DYNC2LI1: variants seen among roughly 807,000 people sequenced by gnomAD.
DYNC2LI1 encodes the protein cytoplasmic dynein 2 light intermediate chain 1.
Under a neutral mutation model 51.9 loss-of-function variants are expected in DYNC2LI1, and 45 were observed. That is an observed-to-expected ratio of 0.87 (90% CI 0.68 to 1.11). The LOEUF (loss-of-function observed/expected upper bound fraction) is 1.11, where lower values mean the gene tolerates loss of function less well. Among genes scored for constraint, DYNC2LI1 ranks in the 50% most tolerant of loss-of-function variants. The pLI is 0.00. For synonymous variants in DYNC2LI1, 130 were observed against 137.8 expected, an observed-to-expected ratio of 0.94 and a Z score of 0.40; for missense variants, 490 against 417.4, an observed-to-expected ratio of 1.17 and a Z score of -1.51.
chr2:43,820,341 C>G, the DYNC2LI1 span, among the ~76,000 whole-genome samples: 4 of 152,198 alleles, frequency 2.6e-5, no homozygotes, highest in Non-Finnish European at 5.9e-5. Flanking sequence ...ACGGCTCCTT[C>G]AGCTCTCATA....
At chr2:43,785,810 G>C (rs1673500340) in intron 3 of DYNC2LI1, among the ~76,000 whole-genome samples, 1 of 151,940 alleles carries the variant, frequency 6.6e-6, no homozygotes. Flanking sequence ...TAGTTACCAA[G>C]GACTAGGGGG....
At chr2:43,825,896 A>G in the DYNC2LI1 span, among the ~76,000 whole-genome samples, 1 of 152,214 alleles carries the variant, frequency 6.6e-6, no homozygotes, top group East Asian at 1.9e-4. Flanking sequence ...GGAACATGGT[A>G]GGTGCTGAAA....
chr2:43,805,942 C>T, intron 12 of DYNC2LI1, among the ~76,000 whole-genome samples: 1 of 151,370 alleles, frequency 6.6e-6, no homozygotes, highest in East Asian at 1.9e-4. Context: ...AGTGCAGTGG[C>T]ATGACCTCGG....
intron 6 of DYNC2LI1, chr2:43,795,014 G>T (rs578122629): frequency 2.2e-5 from 25 of 1,134,728 alleles, no homozygotes; most frequent in Non-Finnish European, 2.7e-5. Context: ...TTAAGCAAGG[G>T]GTAGAGTTGT....
rs1046625393 is a variant in DYNC2LI1 at position 43,809,606 on chromosome 2, A to G, written c.994-99A>G. On this transcript the variant is annotated intron_variant, in intron 12 of 12. Coordinates refer to ENST00000260605, the MANE Select transcript of DYNC2LI1 (RefSeq NM_016008.4). ...ATTTAGAATGATAATGCTACTAAGG[A>G]TTCATTGATATATCTAAAAAATGAG... is the stretch of plus-strand genomic sequence containing the variant. The G allele has an allele frequency of 9.3e-6, 7 of 753,560 alleles. No homozygotes were observed. In the African/African-American group the frequency reaches 1.1e-4, roughly 12 times the overall value. 46.7% of individuals were successfully genotyped at this position (753,560 alleles called of 1,614,324 possible). A position where few individuals can be genotyped will look rare whatever the true frequency, so the allele number is the denominator to read the frequency against.
chr2:43,793,967 C>G (rs1673913392), intron 5 of DYNC2LI1: 2 of 153,322 alleles, frequency 1.3e-5, no homozygotes, highest in African/African-American at 4.8e-5. Context: ...CCTCAGACTT[C>G]TAATCTATAA....
chr2:43,789,513 C>A, intron 4 of DYNC2LI1, 120 bp from the exon 5 acceptor site: 1 of 767,656 alleles, frequency 1.3e-6, no homozygotes. Flanking sequence ...AAAATTTTGA[C>A]TGCCAAGAAA....
the DYNC2LI1 span, chr2:43,828,313 G>A: frequency 8.5e-6 from 6 of 708,478 alleles, no homozygotes; most frequent in Non-Finnish European, 1.4e-5. Context: ...ACATGTGTCA[G>A]ATTTAAATAA....
At chr2:43,798,564 A>T (rs1376182610) in intron 8 of DYNC2LI1, among the ~76,000 whole-genome samples, 2 of 152,220 alleles carry the variant, frequency 1.3e-5, no homozygotes, top group African/African-American at 4.8e-5. Context: ...GGAACAGATT[A>T]CATTTGATGG....
the DYNC2LI1 span, among the ~76,000 whole-genome samples, chr2:43,818,539 C>T: frequency 4.3e-4 from 66 of 152,304 alleles, 1 homozygote; most frequent in African/African-American, 1.6e-3. Flanking sequence ...CATGAAATGG[C>T]ACCAGATTAA....
At chr2:43,812,761 C>T (rs1666549306), downstream of DYNC2LI1, 1 of 235,164 alleles carries the variant, frequency 4.3e-6, no homozygotes, top group African/African-American at 2.3e-5. Flanking sequence ...AATCCTTTAT[C>T]CAATGTAAAC....
At chr2:43,783,193 A>G (rs1673374517) in intron 2 of DYNC2LI1, among the ~76,000 whole-genome samples, 1 of 152,218 alleles carries the variant, frequency 6.6e-6, no homozygotes, top group Non-Finnish European at 1.5e-5. Flanking sequence ...CGGCTTAACC[A>G]GTAATTAACA....
chr2:43,783,474 C>G, intron 2 of DYNC2LI1, 46 bp from the exon 3 acceptor site: 2 of 1,368,910 alleles, frequency 1.5e-6, no homozygotes, highest in Non-Finnish European at 2.0e-6. Flanking sequence ...ACAATTTTTA[C>G]ATATGAGTGA....
At chr2:43,774,379 A>T (rs1226350947) in intron 1 of DYNC2LI1, among the ~76,000 whole-genome samples, 4 of 152,168 alleles carry the variant, frequency 2.6e-5, no homozygotes, top group Non-Finnish European at 4.4e-5. Flanking sequence ...CAGCAACTCC[A>T]CCCATTCAAT....
At chr2:43,778,670 T>C (rs776810036) in intron 2 of DYNC2LI1, among the ~76,000 whole-genome samples, 7 of 152,206 alleles carry the variant, frequency 4.6e-5, no homozygotes, top group Non-Finnish European at 8.8e-5. Flanking sequence ...CTTATACTAA[T>C]GGTACTGATT....
chr2:43,785,105 T>G (rs10205879), intron 3 of DYNC2LI1, among the ~76,000 whole-genome samples: 22,060 of 151,634 alleles, frequency 0.15, 2,291 homozygotes, highest in African/African-American at 0.28. Context: ...CAAGACCAGC[T>G]TGGCCAACAT....
the DYNC2LI1 span, among the ~76,000 whole-genome samples, chr2:43,821,552 T>G: frequency 6.6e-6 from 1 of 152,182 alleles, no homozygotes; most frequent in African/African-American, 2.4e-5. Context: ...GGACCCCTTC[T>G]GCCATTCTTT....
At chr2:43,818,064 G>C in the DYNC2LI1 span, among the ~76,000 whole-genome samples, 1 of 152,146 alleles carries the variant, frequency 6.6e-6, no homozygotes, top group African/African-American at 2.4e-5. Flanking sequence ...ATAATAAATT[G>C]TTGAATATTT....
downstream of DYNC2LI1, chr2:43,814,507 T>C: frequency 1.9e-6 from 3 of 1,608,538 alleles, no homozygotes; most frequent in Non-Finnish European, 2.6e-6. Flanking sequence ...TAGAACTCAT[T>C]GACTACAAGA....
Sources: allele counts gnomAD v4.1 joint callset (sites outside exome capture counted in the v4.1 genomes callset), GRCh38; gene constraint gnomAD v4.1.1; transcripts MANE v1.5; gene names NCBI Gene and HGNC (gene_info 2026-07-23, HGNC 2026-07-21).